ANO2: variants seen among roughly 807,000 people sequenced by gnomAD.
The protein encoded by ANO2 is anoctamin 2.
Under a neutral mutation model 124.2 loss-of-function variants are expected in ANO2, and 101 were observed. That is an observed-to-expected ratio of 0.81 (90% CI 0.69 to 0.96). The LOEUF (loss-of-function observed/expected upper bound fraction) is 0.96, where lower values mean the gene tolerates loss of function less well. ANO2 is among the 40% of genes least tolerant of loss of function. The pLI is 0.00. For synonymous variants in ANO2, 486 were observed against 482.5 expected (o/e 1.01, Z -0.09); for missense variants, 1,293 against 1,274.5 (o/e 1.01, Z -0.22).
intron 10 of ANO2, among the ~76,000 whole-genome samples, chr12:5,791,353 G>A (rs930935990): frequency 2.6e-5 from 4 of 152,168 alleles, no homozygotes; most frequent in Non-Finnish European, 5.9e-5. Context: ...GCATTCTGGG[G>A]TTGCTGAACA....
chr12:5,563,075 C>T lies in ANO2; in HGVS notation c.*224G>A, dbSNP rs1941525551. 2 of 665,140 alleles carry T rather than the reference C, an allele frequency of 3.0e-6. No homozygotes were observed. Among genetic ancestry groups the T allele is most frequent in the Non-Finnish European group, 4.9e-6 (2 of 405,920 alleles). 41.2% of individuals were successfully genotyped at this position (665,140 alleles called of 1,614,324 possible). A position where few individuals can be genotyped will look rare whatever the true frequency, so the allele number is the denominator to read the frequency against. ...CAAAAGGATGCAGCTTAAAAGGGGA[C>T]CTAAAAGAAACTTAAGCTTGAAGTT... On this transcript the variant is annotated 3_prime_UTR_variant, in exon 25 of 25. Coordinates refer to ENST00000682330, the MANE Select transcript of ANO2 (RefSeq NM_001364791.2).
At chr12:5,792,726 C>G (rs1355761541) in intron 10 of ANO2, among the ~76,000 whole-genome samples, 1 of 152,210 alleles carries the variant, frequency 6.6e-6, no homozygotes, top group Admixed American at 6.5e-5. Context: ...CCTACAGCCT[C>G]ACAGCTACTT....
At chr12:5,611,387 C>A (rs1944539088) in intron 19 of ANO2, among the ~76,000 whole-genome samples, 1 of 146,898 alleles carries the variant, frequency 6.8e-6, no homozygotes, top group Non-Finnish European at 1.5e-5. Flanking sequence ...TTTTGTCTCC[C>A]AGACTAAAAA....
intron 14 of ANO2, among the ~76,000 whole-genome samples, chr12:5,706,557 C>T (rs1469325757): frequency 6.6e-6 from 1 of 152,164 alleles, no homozygotes; most frequent in Non-Finnish European, 1.5e-5. Context: ...AAAAGTATTG[C>T]CTTTCCCTCC....
intron 7 of ANO2, among the ~76,000 whole-genome samples, chr12:5,813,957 G>A (rs931190966): frequency 2.0e-5 from 3 of 152,146 alleles, no homozygotes; most frequent in African/African-American, 7.2e-5. Flanking sequence ...GCTGGAACTG[G>A]CACCCACTTC....
At chr12:5,923,201 C>CAT in intron 1 of ANO2, among the ~76,000 whole-genome samples, 1 of 89,968 alleles carries the variant, frequency 1.1e-5, no homozygotes. Flanking sequence ...CACACGCACG[C>CAT]ACACACACCC....
chr12:5,710,369 T>C lies in ANO2; in HGVS notation c.1545+22151A>G, dbSNP rs190566157. 1.9e-3 allele frequency among the ~76,000 whole-genome samples: 295 copies of C among 152,330 alleles called. 2 individuals carry two copies. The highest frequency in any genetic ancestry group is 7.0e-3 in the African/African-American group (290 of 41,576). ...CAAGAACACTTAAGCCTCTTGTAAA[T>C]AGTTTACCAAGCACTGAGAATTAGT... is the stretch of plus-strand genomic sequence containing the variant. On this transcript the variant is annotated intron_variant, in intron 14 of 24. Transcript: ENST00000682330.
At chr12:5,707,285 TC>T (rs1949649464) in intron 14 of ANO2, among the ~76,000 whole-genome samples, 4 of 152,194 alleles carry the variant, frequency 2.6e-5, no homozygotes, top group Admixed American at 2.6e-4. Flanking sequence ...TCCTGAGGCC[TC>T]CCCAGCCATG....
At chr12:5,833,080 A>C (rs1044459156) in intron 4 of ANO2, among the ~76,000 whole-genome samples, 3 of 152,222 alleles carry the variant, frequency 2.0e-5, no homozygotes, top group African/African-American at 7.2e-5. Context: ...ATGTCAACCT[A>C]ATCCAAAGTC....
At position 5,848,970 on chromosome 12, in the gene ANO2, C is replaced by T. The variant is rs576843404; in HGVS notation, c.633+5073G>A. Among the ~76,000 whole-genome samples, 4 of 152,298 alleles carry T rather than the reference C, an allele frequency of 2.6e-5. No homozygotes were observed. The East Asian group carries it at 5.8e-4, about 22-fold the overall frequency. ...CTGCCAGGCATTCAGAGAACATCATCACCTCTTCCCTCCACAATGTGTATT... is the reference window on the plus strand; with the variant it reads ...CTGCCAGGCATTCAGAGAACATCATTACCTCTTCCCTCCACAATGTGTATT... On this transcript the variant is annotated intron_variant, in intron 4 of 24. Transcript: ENST00000682330.
chr12:5,928,576 C>T (rs917939860), intron 1 of ANO2, among the ~76,000 whole-genome samples: 2 of 150,886 alleles, frequency 1.3e-5, no homozygotes, highest in African/African-American at 4.9e-5. Flanking sequence ...TCTTACCAGT[C>T]TTCCTTCCTT....
At chr12:5,730,315 C>A (rs947515693) in intron 14 of ANO2, among the ~76,000 whole-genome samples, 2 of 152,058 alleles carry the variant, frequency 1.3e-5, no homozygotes, top group East Asian at 3.9e-4. Context: ...AAAAGAAAAG[C>A]AAACAGGCCT....
chr12:5,756,682 T>C (rs1361934908), intron 10 of ANO2, among the ~76,000 whole-genome samples: 1 of 152,192 alleles, frequency 6.6e-6, no homozygotes, highest in African/African-American at 2.4e-5. Context: ...CTGCTGGGTA[T>C]GTGGGCAGGT....
intron 16 of ANO2, among the ~76,000 whole-genome samples, chr12:5,632,486 G>A (rs1357599905): frequency 6.6e-6 from 1 of 151,992 alleles, no homozygotes; most frequent in African/African-American, 2.4e-5. Context: ...AGAACAAAAT[G>A]TGCTTGTTAG....
At chr12:5,864,601 A>G (rs1955369635) in intron 3 of ANO2, among the ~76,000 whole-genome samples, 1 of 152,250 alleles carries the variant, frequency 6.6e-6, no homozygotes, top group Admixed American at 6.5e-5. Context: ...AGAGCACTTC[A>G]GTGCCTGAGG....
rs780189692 is a variant in ANO2 at position 5,635,161 on chromosome 12, T to C, written c.1807A>G (p.Thr603Ala). 6.3e-7 allele frequency: 1 copy of C among 1,577,774 alleles called. No homozygotes were observed. The highest frequency in any genetic ancestry group is 2.2e-5 in the East Asian group (1 of 44,564). ...EIYGAVAKWL[T>A]KIEVPKTEQT... ...CTCGGTGACACAGTACCAATTTTGGTGAGCCACTTGGCCACAGCGCCGTAG... is the reference window on the plus strand; with the variant it reads ...CTCGGTGACACAGTACCAATTTTGGCGAGCCACTTGGCCACAGCGCCGTAG... The change falls in exon 16 of 25, where the codon ACC becomes GCC. Residue 603 changes from threonine to alanine, a missense_variant. Physicochemically the swap from Thr to Ala is moderately conservative, Grantham distance 58. Coordinates refer to ENST00000682330, the MANE Select transcript of ANO2 (RefSeq NM_001364791.2). This position sits in a 1 kb window ranked among gnomAD's most constrained non-coding sequence, Gnocchi z 5.2.
intron 23 of ANO2, among the ~76,000 whole-genome samples, chr12:5,566,354 C>G (rs1224557118): frequency 6.6e-6 from 1 of 152,208 alleles, no homozygotes; most frequent in Admixed American, 6.5e-5. Context: ...TTTCATGCCT[C>G]TTTCTCAGAC....
In ANO2 at chr12:5,583,010, A is replaced by C. The variant is rs115412808; in HGVS notation, c.2234-4492T>G. On this transcript the variant is annotated intron_variant, in intron 20 of 24. Coordinates refer to ENST00000682330, the MANE Select transcript of ANO2 (RefSeq NM_001364791.2). ...TTTATTTGACCTGCTCCCTAGATGG[A>C]AAGCCCCTTGAGACCAGGGGCCTTA... Among the ~76,000 whole-genome samples the C allele has an allele frequency of 4.1e-3, 631 of 152,254 alleles. 5 individuals carry two copies. The highest frequency in any genetic ancestry group is 0.014 in the African/African-American group (571 of 41,554).
chr12:5,928,669 A>G (rs1409203640), intron 1 of ANO2, among the ~76,000 whole-genome samples: 6 of 130,478 alleles, frequency 4.6e-5, no homozygotes, highest in South Asian at 5.3e-4. Context: ...TTACTAGTCT[A>G]TCTTCTTTCC....
Sources: allele counts gnomAD v4.1 joint callset (sites outside exome capture counted in the v4.1 genomes callset), GRCh38; gene constraint gnomAD v4.1.1; non-coding constraint Gnocchi (gnomAD v3.1); transcripts MANE v1.5; gene names NCBI Gene and HGNC (gene_info 2026-07-23, HGNC 2026-07-21).